Variants in RNF17 observed in about 807,000 individuals in gnomAD.
RNF17 encodes the protein ring finger protein 17.
RNF17 carries 31 observed loss-of-function variants against 200.5 expected under a neutral mutation model. The observed-to-expected ratio is 0.15, with a 90% CI of 0.12 to 0.21. The LOEUF (loss-of-function observed/expected upper bound fraction) is 0.21. Ranked by LOEUF, RNF17 falls within the 10% of genes least tolerant of loss-of-function variation. RNF17 has a pLI of 1.00. For synonymous variants in RNF17, 606 were observed against 637.8 expected (o/e 0.95, Z 0.75); for missense variants, 1,628 against 1,905.1 (o/e 0.85, Z 2.71).
In RNF17 at chr13:24,874,217, T is replaced by C; in HGVS notation, c.4551T>C (p.Asp1517=). The C allele has an allele frequency of 1.2e-6, 2 of 1,606,320 alleles. No individual in the cohort carries two copies. Among genetic ancestry groups the C allele is most frequent in the Non-Finnish European group, 1.7e-6 (2 of 1,177,342 alleles). The change falls in exon 33 of 36, where the codon GAT becomes GAC. Residue 1517 remains aspartate (D), a synonymous_variant. Transcript: ENST00000255324. ...TATCTATCTTAGTACAATTTGTTGA[T>C]TATGGATCAACTGCAAAGCTGACAT... ...NPLSILVQFV[D]YGSTAKLTLN...
intron 15 of RNF17, among the ~76,000 whole-genome samples, chr13:24,816,423 A>G (rs1887416075): frequency 6.6e-6 from 1 of 152,108 alleles, no homozygotes; most frequent in Non-Finnish European, 1.5e-5. Context: ...CACTTGTTCT[A>G]CATCTCACTG....
At chr13:24,832,258 C>G (rs1889497122) in intron 18 of RNF17, among the ~76,000 whole-genome samples, 1 of 152,174 alleles carries the variant, frequency 6.6e-6, no homozygotes, top group Non-Finnish European at 1.5e-5. Flanking sequence ...TTTGCTAGGG[C>G]TCTGTCCTTG....
chr13:24,823,523 A>G (rs1019947900), intron 15 of RNF17, among the ~76,000 whole-genome samples: 4 of 149,798 alleles, frequency 2.7e-5, no homozygotes, highest in Non-Finnish European at 6.0e-5. Context: ...CTTGAATGTC[A>G]GGAGCTGAAA....
chr13:24,803,460 G>A (rs545089670), intron 14 of RNF17, among the ~76,000 whole-genome samples: 2 of 152,108 alleles, frequency 1.3e-5, no homozygotes, highest in East Asian at 1.9e-4. Flanking sequence ...CACCACTCCC[G>A]GCTAATTTTT....
At chr13:24,803,930 A>G in intron 14 of RNF17, 1 of 223,846 alleles carries the variant, frequency 4.5e-6, no homozygotes, top group Non-Finnish European at 8.7e-6. Context: ...AAGTCAGTAC[A>G]TGTACAAGTC....
rs772949529 is a variant in RNF17, at chr13:24,858,981, T to C, written c.3611-20T>C. Reference sequence around the variant, plus strand: ...AGGGAATTTTCCTTAATGCTTTCTATCTTTAATACTTTTTTTCAGAATTTG... The same window carrying C: ...AGGGAATTTTCCTTAATGCTTTCTACCTTTAATACTTTTTTTCAGAATTTG... On this transcript the variant is annotated intron_variant, in intron 25 of 35. Coordinates refer to ENST00000255324, the MANE Select transcript of RNF17 (RefSeq NM_031277.3). 6.8e-7 allele frequency: 1 copy of C among 1,464,358 alleles called. No individual in the cohort carries two copies. Among genetic ancestry groups the C allele is most frequent in the Non-Finnish European group, 9.4e-7 (1 of 1,060,492 alleles). The allele number at this position is 1,464,358 out of a possible 1,614,324, so 90.7% of individuals were successfully genotyped here. A position where few individuals can be genotyped will look rare whatever the true frequency, so the allele number is the denominator to read the frequency against.
chr13:24,879,131 G>A (rs1373984725), intron 34 of RNF17, 56 bp from the exon 35 acceptor site: 7 of 1,342,418 alleles, frequency 5.2e-6, no homozygotes, highest in Non-Finnish European at 6.4e-6. Context: ...GATATGAGAG[G>A]GAAAAGGCAG....
intron 18 of RNF17, among the ~76,000 whole-genome samples, chr13:24,837,219 T>G (rs1030440056): frequency 9.2e-5 from 14 of 151,998 alleles, no homozygotes; most frequent in African/African-American, 3.4e-4. Context: ...GCTCCCAAAT[T>G]TATAAAACAA....
chr13:24,808,362 C>A (rs576852475), intron 15 of RNF17, among the ~76,000 whole-genome samples: 106 of 151,418 alleles, frequency 7.0e-4, no homozygotes, highest in Non-Finnish European at 1.3e-3. Context: ...TCCTTCACAT[C>A]CCTTGTAAGT....
At chr13:24,814,051 A>G (rs1294311320) in intron 15 of RNF17, among the ~76,000 whole-genome samples, 1 of 152,048 alleles carries the variant, frequency 6.6e-6, no homozygotes, top group Non-Finnish European at 1.5e-5. Flanking sequence ...GCTAACATAT[A>G]TTTTGTATAT....
In RNF17 at chr13:24,861,279, A is replaced by G; in HGVS notation, c.3786A>G (p.Leu1262=). The change falls in exon 27 of 36, where the codon TTA becomes TTG. Residue 1262 remains leucine (L), a synonymous_variant. Transcript: ENST00000255324. ...VVGGAVRVQY[L]DHGFTEKIPQ... ...TTGTCGTGTTTCAGGTACAATATTT[A>G]GATCATGGATTCACTGAAAAGATTC... 6.3e-7 allele frequency: 1 copy of G among 1,593,968 alleles called. No individual in the cohort carries two copies. Among genetic ancestry groups the G allele is most frequent in the African/African-American group, 1.4e-5 (1 of 73,454 alleles).
intron 33 of RNF17, among the ~76,000 whole-genome samples, chr13:24,875,312 A>G (rs1335121755): frequency 1.3e-5 from 2 of 152,222 alleles, no homozygotes; most frequent in Non-Finnish European, 2.9e-5. Flanking sequence ...TATGGAAATA[A>G]TGCCCCAAAG....
intron 11 of RNF17, among the ~76,000 whole-genome samples, chr13:24,798,487 G>GTGTATCACACAGAGTGTGTA (rs1468344772): frequency 6.6e-6 from 1 of 152,104 alleles, no homozygotes; most frequent in African/African-American, 2.4e-5. Flanking sequence ...ATACAGAGGA[G>GTGTATCACACAGAGTGTGTA]ATTACACAGC....
At chr13:24,852,168 TG>T (rs1463339591) in intron 24 of RNF17, among the ~76,000 whole-genome samples, 2 of 146,574 alleles carry the variant, frequency 1.4e-5, no homozygotes, top group Non-Finnish European at 3.0e-5. Context: ...AGACGGAGTC[TG>T]GCTCTGTCAC....
At chr13:24,749,307 C>CTTTTCTT in the RNF17 span, among the ~76,000 whole-genome samples, 4 of 108,032 alleles carry the variant, frequency 3.7e-5, no homozygotes, top group South Asian at 3.2e-4. Flanking sequence ...TTCTTTCTTT[C>CTTTTCTT]TTTTTTTTTT....
chr13:24,797,705 AGTGTGTGTGT>A (rs777888152), intron 11 of RNF17, among the ~76,000 whole-genome samples: 5 of 119,048 alleles, frequency 4.2e-5, no homozygotes, highest in Non-Finnish European at 6.9e-5. Context: ...AGAGACAAAG[AGTGTGTGTGT>A]GTGTGTGTGT....
At chr13:24,776,553 T>TA (rs1881596381) in intron 3 of RNF17, among the ~76,000 whole-genome samples, 1 of 152,170 alleles carries the variant, frequency 6.6e-6, no homozygotes, top group Non-Finnish European at 1.5e-5. Context: ...CTCCATGAGA[T>TA]ATGTGTAGAG....
the RNF17 span, chr13:24,751,052 C>T: frequency 3.9e-5 from 6 of 152,170 alleles, no homozygotes; most frequent in Non-Finnish European, 8.8e-5. Context: ...AAGTAAACTC[C>T]ATGAGACAAG....
In RNF17 at chr13:24,866,220, G is replaced by GT. The variant is rs1337517992; in HGVS notation, c.4161+18dup. The GT allele has an allele frequency of 6.8e-7, 1 of 1,461,074 alleles. No individual in the cohort carries two copies. Among genetic ancestry groups the GT allele is most frequent in the African/African-American group, 1.4e-5 (1 of 72,056 alleles). 90.5% of individuals were successfully genotyped at this position (1,461,074 alleles called of 1,614,324 possible). A position where few individuals can be genotyped will look rare whatever the true frequency, so the allele number is the denominator to read the frequency against. On this transcript the variant is annotated intron_variant, in intron 30 of 35. Transcript: ENST00000255324. ...AGGTTTGAGGTAAGTAACAATCCAA[G>GT]TATTTTGGAAACTTTGGACACTTCA...
Sources: gnomAD v4.1 joint callset for allele counts (sites outside exome capture counted in the v4.1 genomes callset) on GRCh38, gnomAD v4.1.1 for gene constraint, MANE v1.5 for transcripts, NCBI Gene and HGNC (gene_info 2026-07-23, HGNC 2026-07-21) for gene names.